The following LRP1B variants were observed in gnomAD, a reference collection of about 807,000 sequenced individuals.
The protein encoded by LRP1B is low-density lipoprotein receptor-related protein 1B.
Under a neutral mutation model 556.6 loss-of-function variants are expected in LRP1B, and 217 were observed. The ratio of observed to expected loss-of-function variants is 0.39; its 90% CI spans 0.35 to 0.44. LRP1B has a LOEUF of 0.44. LRP1B is among the 20% of genes least tolerant of loss of function. LRP1B has a pLI of 1.00. For missense variants in LRP1B, 5,053 were observed against 5,620.8 expected, an observed-to-expected ratio of 0.90 and a Z score of 3.23; for synonymous variants, 2,047 against 1,865.8, an observed-to-expected ratio of 1.10 and a Z score of -2.50.
intron 17 of LRP1B, among the ~76,000 whole-genome samples, chr2:140,984,761 T>G (rs1263560355): frequency 1.3e-5 from 2 of 152,102 alleles, no homozygotes; most frequent in African/African-American, 4.8e-5. Context: ...GTGGAAAGTA[T>G]GCCCTGAAGA....
intron 41 of LRP1B, among the ~76,000 whole-genome samples, chr2:140,632,800 T>C (rs559775): frequency 0.14 from 21,991 of 152,144 alleles, 1,813 homozygotes; most frequent in African/African-American, 0.21. Flanking sequence ...TCGTGGCTCA[T>C]GCCTGTAATC....
At chr2:141,479,848 C>T (rs1305747888) in intron 3 of LRP1B, among the ~76,000 whole-genome samples, 1 of 152,072 alleles carries the variant, frequency 6.6e-6, no homozygotes, top group East Asian at 1.9e-4. Flanking sequence ...TCATTAATAT[C>T]TAGGTAATAT....
intron 3 of LRP1B, among the ~76,000 whole-genome samples, chr2:141,355,656 A>T (rs550205911): frequency 3.3e-5 from 5 of 152,250 alleles, no homozygotes; most frequent in African/African-American, 7.2e-5. Flanking sequence ...ACTCAAGATA[A>T]ATTAAAAATT....
chr2:141,940,010 A>AC (rs1700749483), intron 1 of LRP1B, among the ~76,000 whole-genome samples: 1 of 98,778 alleles, frequency 1.0e-5, no homozygotes, highest in African/African-American at 3.7e-5. Context: ...GATAAACATT[A>AC]AATCTCAAGT....
intron 43 of LRP1B, among the ~76,000 whole-genome samples, chr2:140,551,619 G>C (rs926014725): frequency 1.3e-5 from 2 of 152,170 alleles, no homozygotes; most frequent in African/African-American, 4.8e-5. Context: ...GTCATTATTG[G>C]TTTGTAGTTT....
chr2:140,468,926 T>C (rs1328998689), intron 60 of LRP1B, among the ~76,000 whole-genome samples: 1 of 152,208 alleles, frequency 6.6e-6, no homozygotes, highest in Non-Finnish European at 1.5e-5. Context: ...AGATAACATG[T>C]CTGATTTTAC....
chr2:141,461,245 A>G (rs971021159), intron 3 of LRP1B, among the ~76,000 whole-genome samples: 1 of 152,206 alleles, frequency 6.6e-6, no homozygotes, highest in Non-Finnish European at 1.5e-5. Flanking sequence ...CCCGAAAGGC[A>G]AGTGAAGGAG....
intron 21 of LRP1B, among the ~76,000 whole-genome samples, chr2:140,910,218 A>G (rs1412560418): frequency 6.6e-6 from 1 of 151,806 alleles, no homozygotes; most frequent in Non-Finnish European, 1.5e-5. Flanking sequence ...AAAGATATTA[A>G]TAATTAAAGA....
At chr2:141,510,040 G>T (rs1684064906) in intron 2 of LRP1B, among the ~76,000 whole-genome samples, 1 of 151,868 alleles carries the variant, frequency 6.6e-6, no homozygotes, top group African/African-American at 2.4e-5. Flanking sequence ...ACTATTTGGG[G>T]ACCAAAAAAT....
intron 7 of LRP1B, among the ~76,000 whole-genome samples, chr2:141,108,209 TAAC>T (rs145216981): frequency 0.015 from 2,285 of 151,776 alleles, 54 homozygotes; most frequent in African/African-American, 0.052. Flanking sequence ...AAACTGGAAA[TAAC>T]AACAACAATC....
chr2:141,052,367 A>G (rs964729249), intron 10 of LRP1B, among the ~76,000 whole-genome samples: 1 of 152,030 alleles, frequency 6.6e-6, no homozygotes, highest in Non-Finnish European at 1.5e-5. Context: ...TCTTGTATAT[A>G]AATTCTTTTT....
At chr2:142,097,200 C>T (rs956187043) in intron 1 of LRP1B, among the ~76,000 whole-genome samples, 3 of 151,596 alleles carry the variant, frequency 2.0e-5, no homozygotes, top group Admixed American at 6.6e-5. Flanking sequence ...CAAAAATTAC[C>T]TATTTCATAA....
chr2:140,319,970 A>C (rs1465332991), intron 82 of LRP1B, among the ~76,000 whole-genome samples: 1 of 152,152 alleles, frequency 6.6e-6, no homozygotes, highest in Non-Finnish European at 1.5e-5. Context: ...TACCCAAAAC[A>C]GGGCTTCACA....
At chr2:141,265,404 G>T (rs1243397404) in intron 3 of LRP1B, among the ~76,000 whole-genome samples, 2 of 152,140 alleles carry the variant, frequency 1.3e-5, no homozygotes, top group African/African-American at 2.4e-5. Flanking sequence ...CCTGGAAGGA[G>T]CCCAAGGCAC....
intron 2 of LRP1B, among the ~76,000 whole-genome samples, chr2:141,762,736 C>T (rs1694602346): frequency 6.6e-6 from 1 of 152,096 alleles, no homozygotes; most frequent in African/African-American, 2.4e-5. Flanking sequence ...AGGGTCATTA[C>T]TTGCGTGACT....
chr2:140,502,940 C>T lies in LRP1B; in HGVS notation c.8662+23G>A, dbSNP rs139728800. On this transcript the variant is annotated intron_variant, in intron 54 of 90. Coordinates refer to ENST00000389484, the MANE Select transcript of LRP1B (RefSeq NM_018557.3). The stretch of plus-strand genomic sequence containing the variant: ...CATTGAAAACACTTTAGAGTAAATG[C>T]GGTATTGTATATATTTCTGTACCTG... 2.4e-5 allele frequency: 39 copies of T among 1,608,456 alleles called. No homozygotes were observed. The East Asian group carries it at 2.9e-4, about 12-fold the overall frequency.
chr2:140,989,143 T>C (rs1697014592), intron 17 of LRP1B, among the ~76,000 whole-genome samples: 1 of 152,108 alleles, frequency 6.6e-6, no homozygotes, highest in East Asian at 1.9e-4. Flanking sequence ...TATAGTAGAC[T>C]AAATAAAATT....
At chr2:141,831,061 T>G (rs352989) in intron 1 of LRP1B, among the ~76,000 whole-genome samples, 32,362 of 151,514 alleles carry the variant, frequency 0.21, 3,591 homozygotes, top group East Asian at 0.34. Flanking sequence ...TAGATTAGCT[T>G]TATTTAAATG....
At chr2:141,451,171 G>C (rs967996515) in intron 3 of LRP1B, among the ~76,000 whole-genome samples, 2 of 152,156 alleles carry the variant, frequency 1.3e-5, no homozygotes, top group African/African-American at 4.8e-5. Flanking sequence ...GTAGGACCCA[G>C]GAGTGTTTGC....
Sources: gnomAD v4.1 joint callset for allele counts (sites outside exome capture counted in the v4.1 genomes callset) on GRCh38, gnomAD v4.1.1 for gene constraint, MANE v1.5 for transcripts, NCBI Gene and HGNC (gene_info 2026-07-23, HGNC 2026-07-21) for gene names.